The following PALM2AKAP2 variants were observed in gnomAD, a reference collection of about 807,000 sequenced individuals.
The protein encoded by PALM2AKAP2 is PALM2-AKAP2 fusion protein.
PALM2AKAP2 carries 37 observed loss-of-function variants against 71.5 expected under a neutral mutation model. The ratio of observed to expected loss-of-function variants is 0.52; its 90% CI spans 0.40 to 0.68. The LOEUF (loss-of-function observed/expected upper bound fraction) is 0.68, where lower values mean the gene tolerates loss of function less well. PALM2AKAP2 is among the 30% of genes least tolerant of loss of function. The probability of loss-of-function intolerance (pLI) is 0.00; values close to 1 mark genes in which losing one functional copy is unlikely to be tolerated. For synonymous variants in PALM2AKAP2, 468 were observed against 478.8 expected (o/e 0.98, Z 0.29); for missense variants, 1,224 against 1,191.8 (o/e 1.03, Z -0.40).
intron 7 of PALM2AKAP2, among the ~76,000 whole-genome samples, chr9:110,019,068 G>T (rs573487907): frequency 6.6e-6 from 1 of 151,750 alleles, no homozygotes; most frequent in Non-Finnish European, 1.5e-5. Flanking sequence ...GTGAAATGCC[G>T]ACTCTACTAA....
Position 109,931,928 on chromosome 9 carries a change from T to C in PALM2AKAP2, c.396T>C (p.Asp132=), listed in dbSNP as rs1460799382. The stretch of plus-strand genomic sequence containing the variant: ...GTATTCCCTGTTCTCTGCTACCAGA[T>C]GCAGTAAATTACATTTCCTCCCAGC... Residue 132 remains aspartate, a splice_region_variant and synonymous_variant, in exon 6 of 10, where the codon GAT becomes GAC. Transcript: ENST00000302798. 2.5e-6 allele frequency: 4 copies of C among 1,613,818 alleles called. No individual in the cohort carries two copies. The East Asian group carries it at 8.9e-5, about 36-fold the overall frequency.
At chr9:110,136,334 C>T (rs763441896) in exon 2 of PALM2AKAP2, 2 of 1,614,088 alleles carry the variant, frequency 1.2e-6, no homozygotes, top group African/African-American at 1.3e-5. Flanking sequence ...CTATTCACCC[C>T]CGCATAATGG....
intron 1 of PALM2AKAP2, among the ~76,000 whole-genome samples, chr9:109,810,885 T>C (rs1254326104): frequency 6.6e-6 from 1 of 152,140 alleles, no homozygotes; most frequent in Non-Finnish European, 1.5e-5. Context: ...GCCCACAGAA[T>C]GAGTGCAGGT....
intron 1 of PALM2AKAP2, among the ~76,000 whole-genome samples, chr9:109,817,279 T>C (rs1191308023): frequency 6.6e-6 from 1 of 152,186 alleles, no homozygotes; most frequent in Non-Finnish European, 1.5e-5. Flanking sequence ...GAGGCCAATT[T>C]TGAGCTAGGA....
intron 1 of PALM2AKAP2, among the ~76,000 whole-genome samples, chr9:110,089,045 T>C (rs1425419473): frequency 1.3e-5 from 2 of 152,098 alleles, no homozygotes; most frequent in Non-Finnish European, 2.9e-5. Context: ...GTTAACTAAA[T>C]ACAATTTAAA....
intron 1 of PALM2AKAP2, among the ~76,000 whole-genome samples, chr9:110,070,081 C>T (rs1194844403): frequency 1.3e-5 from 2 of 152,192 alleles, no homozygotes; most frequent in Non-Finnish European, 2.9e-5. Flanking sequence ...GAGAGGGAAG[C>T]TTGTGACCAT....
chr9:110,031,295 A>G (rs182601433), intron 7 of PALM2AKAP2, among the ~76,000 whole-genome samples: 2 of 151,898 alleles, frequency 1.3e-5, no homozygotes, highest in East Asian at 1.9e-4. Context: ...AGGCCTGGCT[A>G]ATTTTTGTAT....
At chr9:110,133,059 A>G (rs1835770050) in intron 1 of PALM2AKAP2, among the ~76,000 whole-genome samples, 1 of 152,186 alleles carries the variant, frequency 6.6e-6, no homozygotes, top group Non-Finnish European at 1.5e-5. Context: ...GTTGTCTTAG[A>G]TTTTAAATAT....
chr9:109,655,401 G>C (rs1827288371), intron 1 of PALM2AKAP2, among the ~76,000 whole-genome samples: 1 of 151,868 alleles, frequency 6.6e-6, no homozygotes, highest in Non-Finnish European at 1.5e-5. Flanking sequence ...ATGGATAAAG[G>C]GTCTCTTTCT....
intron 3 of PALM2AKAP2, 103 bp from the exon 10 acceptor site, chr9:110,161,991 C>G (rs1836611974): frequency 2.0e-6 from 3 of 1,464,900 alleles, no homozygotes; most frequent in Non-Finnish European, 2.9e-6. Flanking sequence ...GGTATTACTT[C>G]CCCTCCCATC....
At chr9:109,681,755 C>T (rs1165652318) in intron 1 of PALM2AKAP2, among the ~76,000 whole-genome samples, 1 of 152,148 alleles carries the variant, frequency 6.6e-6, no homozygotes, top group Non-Finnish European at 1.5e-5. Context: ...TTCCTTCAAA[C>T]CACATACCAA....
chr9:110,008,228 G>A (rs1041603974), intron 6 of PALM2AKAP2, among the ~76,000 whole-genome samples: 11 of 152,068 alleles, frequency 7.2e-5, no homozygotes, highest in African/African-American at 2.4e-4. Flanking sequence ...AGAGACAGGA[G>A]GACAGAAGAA....
chr9:109,880,803 A>C, intron 3 of PALM2AKAP2, 122 bp downstream of exon 3: 3 of 1,381,320 alleles, frequency 2.2e-6, no homozygotes, highest in Middle Eastern at 1.9e-4. Flanking sequence ...TTTTCTTCCT[A>C]AACAAAGCAC....
Position 109,860,986 on chromosome 9 carries a change from A to G in PALM2AKAP2, c.46-6505A>G, listed in dbSNP as rs945093076. On this transcript the variant is annotated intron_variant, in intron 1 of 9. Coordinates refer to the PALM2AKAP2 transcript ENST00000302798. ...TAAAGATTGCAACGTTTACAATTTA[A>G]TATATTTTCTTTACCCTCCTCTTGT... Among the ~76,000 whole-genome samples the G allele has an allele frequency of 6.6e-5, 10 of 152,354 alleles. No homozygotes were observed. The East Asian group carries it at 1.9e-3, about 29-fold the overall frequency.
At chr9:110,096,276 C>T (rs1834832899) in intron 1 of PALM2AKAP2, among the ~76,000 whole-genome samples, 1 of 151,936 alleles carries the variant, frequency 6.6e-6, no homozygotes, top group Non-Finnish European at 1.5e-5. Context: ...TGATTTTTGT[C>T]TTTATAAGAC....
intron 1 of PALM2AKAP2, among the ~76,000 whole-genome samples, chr9:109,715,835 T>G (rs953648178): frequency 2.6e-5 from 4 of 152,340 alleles, no homozygotes; most frequent in African/African-American, 7.2e-5. Flanking sequence ...CTTCTTTCTT[T>G]TCTTCTTCCT....
intron 1 of PALM2AKAP2, among the ~76,000 whole-genome samples, chr9:109,772,783 A>G (rs1185352256): frequency 6.6e-6 from 1 of 152,120 alleles, no homozygotes; most frequent in African/African-American, 2.4e-5. Context: ...TGTTAGCACA[A>G]CCTTTTCTCC....
chr9:109,960,014 T>C (rs1374690866), intron 6 of PALM2AKAP2, among the ~76,000 whole-genome samples: 2 of 152,192 alleles, frequency 1.3e-5, no homozygotes, highest in African/African-American at 2.4e-5. Flanking sequence ...GAATTCAACA[T>C]TTGCTAAAAT....
At chr9:109,744,534 G>A (rs139406331) in intron 1 of PALM2AKAP2, among the ~76,000 whole-genome samples, 50 of 152,224 alleles carry the variant, frequency 3.3e-4, no homozygotes, top group African/African-American at 1.1e-3. Context: ...CCTGCTAGAC[G>A]TGACTATTTT....
Sources: gnomAD v4.1 joint callset for allele counts (sites outside exome capture counted in the v4.1 genomes callset) on GRCh38, gnomAD v4.1.1 for gene constraint, MANE v1.5 for transcripts, NCBI Gene and HGNC (gene_info 2026-07-23, HGNC 2026-07-21) for gene names.